OSBPL9: variants seen among roughly 807,000 people sequenced by gnomAD.
The protein encoded by OSBPL9 is oxysterol binding protein like 9.
In OSBPL9, 40 loss-of-function variants were observed where a neutral mutation model predicts 106.6. The observed-to-expected ratio is 0.38, with a 90% confidence interval of 0.29 to 0.49. The LOEUF (loss-of-function observed/expected upper bound fraction) is 0.49, where lower values mean the gene tolerates loss of function less well. Ranked by LOEUF, OSBPL9 falls within the 20% of genes least tolerant of loss-of-function variation. The pLI is 0.97. For missense variants in OSBPL9, 609 were observed against 887.2 expected (o/e 0.69, Z 3.98); for synonymous variants, 269 against 295.4 (o/e 0.91, Z 0.92).
At chr1:51,748,161 A>G (rs1668432802) in intron 6 of OSBPL9, among the ~76,000 whole-genome samples, 1 of 152,246 alleles carries the variant, frequency 6.6e-6, no homozygotes, top group Non-Finnish European at 1.5e-5. Context: ...AAGAGAACAT[A>G]TAATTCATAA....
intron 1 of OSBPL9, among the ~76,000 whole-genome samples, chr1:51,624,807 T>A (rs1176429734): frequency 6.6e-6 from 1 of 152,192 alleles, no homozygotes; most frequent in Non-Finnish European, 1.5e-5. Flanking sequence ...TCATCTTACA[T>A]CTGCTACAAT....
Position 51,713,774 on chromosome 1 carries a change from A to G in OSBPL9, c.242-229A>G, listed in dbSNP as rs1020177121. Among the ~76,000 whole-genome samples the G allele has an allele frequency of 1.3e-4, 20 of 152,148 alleles. 1 individual carries two copies. The highest frequency in any genetic ancestry group is 8.5e-4 in the Admixed American group (13 of 15,270). ...GTTCTCAGTGGGAAGGTTGGTCTGA[A>G]CTATGTAGCCTGCTATTATTGAACA... On this transcript the variant is annotated intron_variant, in intron 3 of 23. Transcript: ENST00000428468.
At chr1:51,588,638 G>T (rs554237830) in intron 1 of OSBPL9, among the ~76,000 whole-genome samples, 1 of 152,200 alleles carries the variant, frequency 6.6e-6, no homozygotes, top group East Asian at 1.9e-4. Context: ...GTGACAGAGT[G>T]AAATCCTGTC....
intron 1 of OSBPL9, among the ~76,000 whole-genome samples, chr1:51,650,216 A>G (rs1646429439): frequency 2.0e-5 from 3 of 152,176 alleles, no homozygotes; most frequent in South Asian, 4.1e-4. Flanking sequence ...TAACCCTAAT[A>G]GTTGTATTAC....
intron 4 of OSBPL9, among the ~76,000 whole-genome samples, chr1:51,721,401 C>T (rs1662102368): frequency 6.6e-6 from 1 of 152,092 alleles, no homozygotes. Flanking sequence ...TCAATAGAGA[C>T]ATTGTAAAAC....
chr1:51,710,751 T>C (rs955239157), intron 3 of OSBPL9, among the ~76,000 whole-genome samples: 3 of 152,256 alleles, frequency 2.0e-5, no homozygotes, highest in African/African-American at 7.2e-5. Context: ...TGTTGTTTCT[T>C]TGAAAGTAAC....
At chr1:51,608,957 C>A (rs1022796805) in intron 2 of OSBPL9, among the ~76,000 whole-genome samples, 1 of 152,106 alleles carries the variant, frequency 6.6e-6, no homozygotes, top group Non-Finnish European at 1.5e-5. Context: ...TACTTCCATC[C>A]CTTTTTTTTT....
chr1:51,562,233 C>T, the OSBPL9 span, among the ~76,000 whole-genome samples: 3 of 152,100 alleles, frequency 2.0e-5, no homozygotes, highest in East Asian at 1.9e-4. Flanking sequence ...TGGTTTAGCA[C>T]GATCCCCCCT....
intron 4 of OSBPL9, among the ~76,000 whole-genome samples, chr1:51,725,071 G>T (rs1662868969): frequency 1.3e-5 from 2 of 148,628 alleles, no homozygotes; most frequent in South Asian, 2.1e-4. Flanking sequence ...TTATGCTTTT[G>T]TGGTTGTCGT....
chr1:51,743,075 C>T (rs1297814783), intron 4 of OSBPL9, among the ~76,000 whole-genome samples: 2 of 152,076 alleles, frequency 1.3e-5, no homozygotes, highest in African/African-American at 4.8e-5. Context: ...TTCATGTTAT[C>T]GATGAATTTT....
chr1:51,557,545 A>G, the OSBPL9 span, among the ~76,000 whole-genome samples: 185 of 152,312 alleles, frequency 1.2e-3, no homozygotes, highest in Non-Finnish European at 2.3e-3. Flanking sequence ...ATCATGGTCT[A>G]CTTGTATCTT....
chr1:51,786,239 C>T lies in OSBPL9; in HGVS notation c.1909-287C>T. On this transcript the variant is annotated intron_variant, in intron 21 of 23. Transcript: ENST00000428468. ...AAATGAAGCACTAAACTGTGTGTTT[C>T]CATACACACACAGTTGAAGATTTTG... The T allele has an allele frequency of 6.7e-6, 3 of 446,016 alleles. No individual in the cohort carries two copies. In the South Asian group the frequency reaches 8.8e-5, roughly 13 times the overall value. The allele number at this position is 446,016 out of a possible 1,614,324, so 27.6% of individuals were successfully genotyped here. A position where few individuals can be genotyped will look rare whatever the true frequency, so the allele number is the denominator to read the frequency against.
chr1:51,559,297 G>C, the OSBPL9 span, among the ~76,000 whole-genome samples: 1 of 152,072 alleles, frequency 6.6e-6, no homozygotes, highest in Non-Finnish European at 1.5e-5. Flanking sequence ...GTGGGGGTGG[G>C]GGTTGCGGGG....
chr1:51,600,850 G>A lies in OSBPL9; in HGVS notation c.-353+2657G>A, dbSNP rs376255137. ...TGTGAAATTACTAACATAGTGTCAG[G>A]GTATAGTAAACACTTGATAAATATC... is the stretch of plus-strand genomic sequence containing the variant. On this transcript the variant is annotated intron_variant, in intron 2 of 25. Transcript: ENST00000371714. Among the ~76,000 whole-genome samples the A allele has an allele frequency of 3.3e-5, 5 of 152,044 alleles. No individual in the cohort carries two copies. In the East Asian group the frequency reaches 5.8e-4, roughly 18 times the overall value.
At chr1:51,647,952 T>C (rs1646272944) in intron 1 of OSBPL9, among the ~76,000 whole-genome samples, 1 of 152,162 alleles carries the variant, frequency 6.6e-6, no homozygotes, top group African/African-American at 2.4e-5. Flanking sequence ...CAGTTCGATA[T>C]TCCCACTTCA....
intron 2 of OSBPL9, among the ~76,000 whole-genome samples, chr1:51,667,761 A>T (rs1382594479): frequency 6.6e-6 from 1 of 152,164 alleles, no homozygotes; most frequent in Non-Finnish European, 1.5e-5. Context: ...TTACCCACTG[A>T]AGTGTGTCTG....
At chr1:51,569,079 G>C in the OSBPL9 span, among the ~76,000 whole-genome samples, 13 of 152,038 alleles carry the variant, frequency 8.6e-5, no homozygotes, top group East Asian at 1.9e-4. Context: ...AAACACACAC[G>C]TGCTTAAGTA....
the OSBPL9 span, among the ~76,000 whole-genome samples, chr1:51,532,823 G>A: frequency 5.3e-5 from 8 of 152,216 alleles, no homozygotes; most frequent in African/African-American, 1.4e-4. Context: ...GTTGAGGAAT[G>A]GTGAAGAGAT....
chr1:51,775,350 T>C lies in OSBPL9; in HGVS notation c.1171-1483T>C, dbSNP rs551949426. Among the ~76,000 whole-genome samples the C allele has an allele frequency of 1.5e-3, 234 of 152,142 alleles. 1 individual carries two copies. The highest frequency in any genetic ancestry group is 5.4e-3 in the African/African-American group (224 of 41,496). ...TATCCTTTCCTTGTCTTTTTTTTTT[T>C]CTCCCGTCTCCATGTCTTGTTCTTT... On this transcript the variant is annotated intron_variant, in intron 14 of 23. Transcript: ENST00000428468.
Sources: gnomAD v4.1 joint callset for allele counts (sites outside exome capture counted in the v4.1 genomes callset) on GRCh38, gnomAD v4.1.1 for gene constraint, MANE v1.5 for transcripts, NCBI Gene and HGNC (gene_info 2026-07-23, HGNC 2026-07-21) for gene names.